DPYSL2: variants seen among roughly 807,000 people sequenced by gnomAD.
DPYSL2 encodes dihydropyrimidinase-related protein 2.
A neutral mutation model predicts 69.9 loss-of-function variants in DPYSL2; 13 were observed. The observed-to-expected ratio is 0.19, with a 90% CI of 0.12 to 0.30. DPYSL2 has a LOEUF of 0.30. Ranked by LOEUF, DPYSL2 falls within the 10% of genes least tolerant of loss-of-function variation. The pLI is 1.00. For synonymous variants in DPYSL2, 326 were observed against 359.1 expected (o/e 0.91, Z 1.04); for missense variants, 587 against 918.9 (o/e 0.64, Z 4.67).
Position 26,626,733 on chromosome 8 carries a change from G to A in DPYSL2, c.855+55G>A, listed in dbSNP as rs370107574. On this transcript the variant is annotated intron_variant, in intron 5 of 13. Coordinates refer to ENST00000521913, the MANE Select transcript of DPYSL2 (RefSeq NM_001197293.3). The surrounding 1 kb of genome is among the most constrained non-coding windows in gnomAD (Gnocchi z 4.3). Reference sequence around the variant, plus strand: ...CCCTGACATTTGGTACCTTCAGGCTGTGGCCGTTTGGGAAAGCAGTCTCCG... The same window carrying A: ...CCCTGACATTTGGTACCTTCAGGCTATGGCCGTTTGGGAAAGCAGTCTCCG... The A allele has an allele frequency of 2.5e-4, 392 of 1,580,658 alleles. No homozygotes were observed. The highest frequency in any genetic ancestry group is 3.3e-4 in the Non-Finnish European group (382 of 1,152,260).
At chr8:26,523,160 T>C (rs188097637) in intron 1 of DPYSL2, among the ~76,000 whole-genome samples, 31 of 151,172 alleles carry the variant, frequency 2.1e-4, no homozygotes, top group African/African-American at 7.5e-4. Context: ...CATGTATATA[T>C]ATATATATAT....
chr8:26,614,647 T>C lies in DPYSL2; in HGVS notation c.629-9496T>C, dbSNP rs564719277. On this transcript the variant is annotated intron_variant, in intron 3 of 13. Transcript: ENST00000521913. This position sits in a 1 kb window ranked among gnomAD's most constrained non-coding sequence, Gnocchi z 4.9. ...CTTCCCCCAGAGTTAGTCATAATCA[T>C]TCTAGCAGGGCTTCTAGATGCTGAA... Among the ~76,000 whole-genome samples, 28 of 152,318 alleles carry C rather than the reference T, an allele frequency of 1.8e-4. No individual in the cohort carries two copies. The highest frequency in any genetic ancestry group is 6.5e-4 in the African/African-American group (27 of 41,572).
chr8:26,652,349 C>T lies in DPYSL2; in HGVS notation c.1689C>T (p.Thr563=). ...SQGKIVLEDG[T]LHVTEGSGRY... Reference sequence around the variant, plus strand: ...GGAAGATTGTCCTGGAGGACGGCACCCTGCATGTCACCGAAGGCTCTGGAC... The same window carrying T: ...GGAAGATTGTCCTGGAGGACGGCACTCTGCATGTCACCGAAGGCTCTGGAC... Residue 563 remains threonine (T), a synonymous_variant, in exon 12 of 14, where the codon ACC becomes ACT. Coordinates refer to ENST00000521913, the MANE Select transcript of DPYSL2 (RefSeq NM_001197293.3). The surrounding 1 kb of genome is among the most constrained non-coding windows in gnomAD (Gnocchi z 6.3). The T allele has an allele frequency of 6.2e-7, 1 of 1,614,172 alleles. No individual in the cohort carries two copies. Among genetic ancestry groups the T allele is most frequent in the Non-Finnish European group, 8.5e-7 (1 of 1,180,028 alleles).
At chr8:26,534,873 T>A (rs1265531917) in intron 1 of DPYSL2, among the ~76,000 whole-genome samples, 3 of 152,126 alleles carry the variant, frequency 2.0e-5, no homozygotes, top group Non-Finnish European at 2.9e-5. Flanking sequence ...CCTCAAGTAA[T>A]CTTCCCACCT....
At chr8:26,553,832 C>G (rs1800904268) in intron 1 of DPYSL2, among the ~76,000 whole-genome samples, 1 of 151,698 alleles carries the variant, frequency 6.6e-6, no homozygotes, top group Non-Finnish European at 1.5e-5. Flanking sequence ...CTAATTTATA[C>G]TCCCACCAAC....
At position 26,598,211 on chromosome 8, in the gene DPYSL2, G is replaced by C. The variant is rs759576006; in HGVS notation, c.628+14228G>C. 2.0e-4 allele frequency among the ~76,000 whole-genome samples: 30 copies of C among 152,176 alleles called. No individual in the cohort carries two copies. The highest frequency in any genetic ancestry group is 4.0e-4 in the Non-Finnish European group (27 of 68,036). On this transcript the variant is annotated intron_variant, in intron 3 of 13. Coordinates refer to ENST00000521913, the MANE Select transcript of DPYSL2 (RefSeq NM_001197293.3). The surrounding 1 kb of genome is among the most constrained non-coding windows in gnomAD (Gnocchi z 4.2). The stretch of plus-strand genomic sequence containing the variant: ...TTTATATTGACCCGTGGCTACTGTG[G>C]TATTCGAAGGGCTAAATTTGTTTTG...
Position 26,621,300 on chromosome 8 carries a change from T to A in DPYSL2, c.629-2843T>A, listed in dbSNP as rs1341846630. On this transcript the variant is annotated intron_variant, in intron 3 of 13. Coordinates refer to ENST00000521913, the MANE Select transcript of DPYSL2 (RefSeq NM_001197293.3). The surrounding 1 kb of genome is among the most constrained non-coding windows in gnomAD (Gnocchi z 4.9). ...GAAATTTTCTACTCAAAGAATCATA[T>A]CATCAGAAAAAAATTATTATTTCTG... Among the ~76,000 whole-genome samples, 1 of 152,192 alleles carries A rather than the reference T, an allele frequency of 6.6e-6. No homozygotes were observed. Among genetic ancestry groups the A allele is most frequent in the Non-Finnish European group, 1.5e-5 (1 of 68,034 alleles).
In DPYSL2 at chr8:26,581,955, CCT is replaced by C. The variant is rs745622408; in HGVS notation, c.355-11_355-10del. The C allele has an allele frequency of 6.2e-7, 1 of 1,610,114 alleles. No individual in the cohort carries two copies. Among genetic ancestry groups the C allele is most frequent in the East Asian group, 2.2e-5 (1 of 44,832 alleles). On this transcript the variant is annotated splice_polypyrimidine_tract_variant and intron_variant, in intron 1 of 13. Coordinates refer to ENST00000521913, the MANE Select transcript of DPYSL2 (RefSeq NM_001197293.3). Reference sequence around the variant, plus strand: ...TCAGTTACGCGTTGTGACCTTACTGCCTCTTTGTTTCAGAGCGATCGTCTTCT... The same window carrying C: ...TCAGTTACGCGTTGTGACCTTACTGCCTTTGTTTCAGAGCGATCGTCTTCT...
At chr8:26,631,939 G>T (rs961102757) in intron 7 of DPYSL2, among the ~76,000 whole-genome samples, 1 of 152,192 alleles carries the variant, frequency 6.6e-6, no homozygotes, top group South Asian at 2.1e-4. Context: ...GAACAATTTT[G>T]TGTGAATTTT....
intron 1 of DPYSL2, among the ~76,000 whole-genome samples, chr8:26,546,083 G>T (rs759876028): frequency 1.3e-5 from 2 of 152,210 alleles, no homozygotes; most frequent in Non-Finnish European, 2.9e-5. Flanking sequence ...CAGTTGGGAA[G>T]AACTGACATC....
At chr8:26,636,221 T>C (rs1484338849) in intron 8 of DPYSL2, among the ~76,000 whole-genome samples, 1 of 152,244 alleles carries the variant, frequency 6.6e-6, no homozygotes, top group African/African-American at 2.4e-5. Context: ...TTTGAGTTGT[T>C]TTCTAGGAGA....
intron 1 of DPYSL2, among the ~76,000 whole-genome samples, chr8:26,576,651 G>A (rs935059337): frequency 2.0e-5 from 3 of 152,228 alleles, no homozygotes; most frequent in Admixed American, 6.5e-5. Context: ...GGCCTTGAGT[G>A]CCGTTTGAAG....
rs376446501 is a variant in DPYSL2 at position 26,578,366 on chromosome 8, A to C, written c.355-3603A>C. On this transcript the variant is annotated intron_variant, in intron 1 of 13. Coordinates refer to ENST00000521913, the MANE Select transcript of DPYSL2 (RefSeq NM_001197293.3). ...AGCACAGAAGGTCTAAGGAATTTTT[A>C]AAAAGGAGGGGAAAGGAGAGGGACC... is the stretch of plus-strand genomic sequence containing the variant. 7.6e-5 allele frequency: 121 copies of C among 1,602,498 alleles called. No homozygotes were observed. In the African/African-American group the frequency reaches 1.6e-3, roughly 21 times the overall value.
intron 1 of DPYSL2, among the ~76,000 whole-genome samples, chr8:26,520,469 T>A (rs1411016743): frequency 9.0e-6 from 1 of 111,500 alleles, no homozygotes; most frequent in Non-Finnish European, 2.0e-5. Flanking sequence ...AAGTTCTGAA[T>A]GCCTGTTTTT....
chr8:26,590,479 C>T (rs575214943), intron 3 of DPYSL2, among the ~76,000 whole-genome samples: 2 of 130,230 alleles, frequency 1.5e-5, no homozygotes, highest in South Asian at 3.0e-4. Context: ...GGTGTCACTG[C>T]GTGAATCTCG....
chr8:26,528,585 T>A (rs1808527037), intron 1 of DPYSL2, among the ~76,000 whole-genome samples: 1 of 149,992 alleles, frequency 6.7e-6, no homozygotes. Context: ...GGGTGGAGGT[T>A]GCAGTGAGCC....
chr8:26,577,959 T>C, intron 1 of DPYSL2: 3 of 1,272,316 alleles, frequency 2.4e-6, no homozygotes, highest in Non-Finnish European at 3.0e-6. Context: ...CTGTAGTTTA[T>C]TTCCACCCCC....
chr8:26,631,295 A>C (rs1466743083), intron 7 of DPYSL2, among the ~76,000 whole-genome samples: 1 of 152,186 alleles, frequency 6.6e-6, no homozygotes, highest in Non-Finnish European at 1.5e-5. Context: ...GGAAACTTAT[A>C]ATCATGGTGG....
Position 26,653,794 on chromosome 8 carries a change from G to C in DPYSL2, c.1942+397G>C, listed in dbSNP as rs948737752. On this transcript the variant is annotated intron_variant, in intron 13 of 13. Transcript: ENST00000521913. This position sits in a 1 kb window ranked among gnomAD's most constrained non-coding sequence, Gnocchi z 5.7. ...GCTGATAGAACTCCTGACTTCAGGT[G>C]ATCTGCCCGCCTCGGCCTCCCAAAG... 2.6e-5 allele frequency among the ~76,000 whole-genome samples: 4 copies of C among 152,156 alleles called. No individual in the cohort carries two copies. The East Asian group carries it at 7.7e-4, about 29-fold the overall frequency.
Sources: gnomAD v4.1 joint callset for allele counts (sites outside exome capture counted in the v4.1 genomes callset) on GRCh38, gnomAD v4.1.1 for gene constraint, Gnocchi (gnomAD v3.1) non-coding constraint, MANE v1.5 for transcripts, NCBI Gene and HGNC (gene_info 2026-07-23, HGNC 2026-07-21) for gene names.